FRYL: variants seen among roughly 807,000 people sequenced by gnomAD.
The protein encoded by FRYL is protein furry homolog-like.
In FRYL, 150 loss-of-function variants were observed where a neutral mutation model predicts 351.2. That is an observed-to-expected ratio of 0.43 (90% CI 0.37 to 0.49). The LOEUF (loss-of-function observed/expected upper bound fraction) is 0.49. Among genes scored for constraint, FRYL ranks in the 20% least tolerant of loss-of-function variants. The pLI, the probability that FRYL is intolerant of heterozygous loss-of-function variation, is 0.00. For missense variants in FRYL, 3,036 were observed against 3,619.3 expected, an observed-to-expected ratio of 0.84 and a Z score of 4.13; for synonymous variants, 1,153 against 1,257.1, an observed-to-expected ratio of 0.92 and a Z score of 1.75.
At chr4:48,691,198 C>A (rs980381114) in intron 2 of FRYL, among the ~76,000 whole-genome samples, 1 of 152,166 alleles carries the variant, frequency 6.6e-6, no homozygotes, top group African/African-American at 2.4e-5. Flanking sequence ...TGTTTATGAT[C>A]TTTGACCCAG....
chr4:48,548,583 T>C (rs2148975906), intron 40 of FRYL, 107 bp downstream of exon 40: 2 of 673,348 alleles, frequency 3.0e-6, no homozygotes, highest in Non-Finnish European at 5.2e-6. Flanking sequence ...GGAAATAACA[T>C]AAAAATAACA....
Position 48,570,924 on chromosome 4 carries a change from C to T in FRYL, c.2905-6G>A, listed in dbSNP as rs777916069. ...CGCCTGCGCCGTTTCATATTCTATT[C>T]CAAAGATACAAACACATTAATTAAA... On this transcript the variant is annotated splice_region_variant and splice_polypyrimidine_tract_variant and intron_variant, in intron 26 of 63. Transcript: ENST00000358350. 1.2e-6 allele frequency: 2 copies of T among 1,604,030 alleles called. No homozygotes were observed. The highest frequency in any genetic ancestry group is 3.3e-5 in the Admixed American group (2 of 59,958).
At position 48,556,978 on chromosome 4, in the gene FRYL, G is replaced by A. The variant is rs183224014; in HGVS notation, c.4266C>T (p.Tyr1422=). The A allele has an allele frequency of 1.0e-3, 1,598 of 1,572,710 alleles. 31 individuals are homozygous for A. In the Admixed American group the frequency reaches 0.025, roughly 25 times the overall value. Residue 1422 remains tyrosine (Y), a splice_region_variant and synonymous_variant, in exon 35 of 64, where the codon TAC becomes TAT. Coordinates refer to ENST00000358350, the MANE Select transcript of FRYL (RefSeq NM_015030.2). ...GVNSEPSLLP[Y]VKKVIVYLGR... The stretch of plus-strand genomic sequence containing the variant: ...AAATTAAATGAACTTGAATACATAC[G>A]TAAGGCAAGAGGCTTGGTTCGCTAT...
intron 12 of FRYL, among the ~76,000 whole-genome samples, chr4:48,602,625 G>A (rs1745941513): frequency 6.6e-6 from 1 of 151,908 alleles, no homozygotes; most frequent in African/African-American, 2.4e-5. Context: ...TCCATGTTTA[G>A]AATTACTGTA....
intron 47 of FRYL, among the ~76,000 whole-genome samples, chr4:48,538,683 T>A (rs1729438525): frequency 6.6e-6 from 1 of 152,176 alleles, no homozygotes; most frequent in African/African-American, 2.4e-5. Context: ...TCTGGGGATT[T>A]TATTTGCTTG....
At chr4:48,584,432 G>C (rs1379165729) in intron 19 of FRYL, among the ~76,000 whole-genome samples, 1 of 152,188 alleles carries the variant, frequency 6.6e-6, no homozygotes, top group Non-Finnish European at 1.5e-5. Context: ...AAGTATTATA[G>C]CTAGACAGAC....
At chr4:48,779,410 C>G (rs1043423233) in intron 1 of FRYL, among the ~76,000 whole-genome samples, 23 of 152,190 alleles carry the variant, frequency 1.5e-4, no homozygotes, top group African/African-American at 5.5e-4. Context: ...CCCGGGGCTG[C>G]GCGGGCACAG....
At chr4:48,693,985 G>T (rs1374000157) in intron 2 of FRYL, among the ~76,000 whole-genome samples, 6 of 71,538 alleles carry the variant, frequency 8.4e-5, no homozygotes, top group Non-Finnish European at 2.8e-5. Context: ...AGCCACCAAA[G>T]TGTTTTATTT....
intron 4 of FRYL, 100 bp downstream of exon 4, chr4:48,634,191 A>G (rs1753793717): frequency 1.1e-6 from 1 of 880,532 alleles, no homozygotes; most frequent in East Asian, 2.5e-5. Flanking sequence ...ATCCCTTAAT[A>G]TTTTTTTCAA....
chr4:48,502,545 C>CA (rs57308308), intron 61 of FRYL, among the ~76,000 whole-genome samples: 43,090 of 110,862 alleles, frequency 0.39, 7,032 homozygotes, highest in South Asian at 0.49. Flanking sequence ...GACTCCATCT[C>CA]AAAAAAAAAA....
At chr4:48,631,854 G>GA (rs916026384) in intron 4 of FRYL, among the ~76,000 whole-genome samples, 11 of 150,786 alleles carry the variant, frequency 7.3e-5, no homozygotes, top group Non-Finnish European at 1.5e-4. Flanking sequence ...TTGAGCCCAG[G>GA]AGTTTGAGAC....
intron 1 of FRYL, among the ~76,000 whole-genome samples, chr4:48,771,173 C>T (rs1196502531): frequency 4.6e-5 from 7 of 152,118 alleles, no homozygotes; most frequent in African/African-American, 1.7e-4. Context: ...GCATGACAAA[C>T]TGTAACTAGT....
chr4:48,662,355 T>A (rs886955653), intron 3 of FRYL, among the ~76,000 whole-genome samples: 5 of 151,678 alleles, frequency 3.3e-5, no homozygotes, highest in African/African-American at 1.2e-4. Flanking sequence ...AGCCTAGGAG[T>A]TTGACGTTAC....
chr4:48,774,835 G>A (rs983350201), intron 1 of FRYL, among the ~76,000 whole-genome samples: 1 of 152,100 alleles, frequency 6.6e-6, no homozygotes, highest in African/African-American at 2.4e-5. Context: ...GTGAGCCACC[G>A]CGTCCAGCCA....
chr4:48,683,774 A>G (rs565587443), intron 3 of FRYL, among the ~76,000 whole-genome samples: 2 of 152,312 alleles, frequency 1.3e-5, no homozygotes, highest in South Asian at 4.2e-4. Flanking sequence ...ATTAAGATCC[A>G]ATCAGTCTAT....
chr4:48,747,774 A>G (rs1257160103), intron 1 of FRYL, among the ~76,000 whole-genome samples: 1 of 152,214 alleles, frequency 6.6e-6, no homozygotes, highest in Non-Finnish European at 1.5e-5. Context: ...AAAAAATAGC[A>G]TATGTATTGC....
chr4:48,719,067 A>G (rs1222500849), intron 1 of FRYL, among the ~76,000 whole-genome samples: 1 of 151,618 alleles, frequency 6.6e-6, no homozygotes, highest in East Asian at 1.9e-4. Context: ...ACTCCAATGC[A>G]TCTCAGATAT....
intron 3 of FRYL, among the ~76,000 whole-genome samples, chr4:48,639,581 C>T (rs1023216910): frequency 1.3e-5 from 2 of 151,696 alleles, no homozygotes; most frequent in African/African-American, 4.8e-5. Context: ...CTATTAAACC[C>T]CTAGAAGATA....
chr4:48,728,293 A>G (rs977009450), intron 1 of FRYL, among the ~76,000 whole-genome samples: 2 of 152,138 alleles, frequency 1.3e-5, no homozygotes, highest in Non-Finnish European at 2.9e-5. Context: ...GAGATTGAAG[A>G]TATCTCAATA....
Sources: allele counts gnomAD v4.1 joint callset (sites outside exome capture counted in the v4.1 genomes callset), GRCh38; gene constraint gnomAD v4.1.1; transcripts MANE v1.5; gene names NCBI Gene and HGNC (gene_info 2026-07-23, HGNC 2026-07-21).